DLGAP2: variants seen among roughly 807,000 people sequenced by gnomAD.
DLGAP2 encodes the protein disks large-associated protein 2.
In DLGAP2, 26 loss-of-function variants were observed where a neutral mutation model predicts 100.3. The ratio of observed to expected loss-of-function variants is 0.26; its 90% CI spans 0.19 to 0.36. The LOEUF is 0.36. Ranked by LOEUF, DLGAP2 falls within the 10% of genes least tolerant of loss-of-function variation. The pLI is 1.00. For synonymous variants in DLGAP2, 886 were observed against 630.1 expected (o/e 1.41, Z -6.08); for missense variants, 1,858 against 1,453.2 (o/e 1.28, Z -4.53).
intron 3 of DLGAP2, among the ~76,000 whole-genome samples, chr8:1,378,753 T>G (rs1796024238): frequency 6.6e-6 from 1 of 152,242 alleles, no homozygotes; most frequent in South Asian, 2.1e-4. Context: ...CTAATTTACA[T>G]TCTCACTTTT....
At chr8:1,616,708 C>A (rs1028097056) in intron 6 of DLGAP2, among the ~76,000 whole-genome samples, 1 of 152,184 alleles carries the variant, frequency 6.6e-6, no homozygotes, top group African/African-American at 2.4e-5. Flanking sequence ...CTATTTTTAA[C>A]TTAAATACAT....
intron 2 of DLGAP2, among the ~76,000 whole-genome samples, chr8:1,028,363 G>A (rs1357962391): frequency 1.4e-5 from 2 of 142,848 alleles, no homozygotes; most frequent in Non-Finnish European, 3.0e-5. Flanking sequence ...TATTCTCCAG[G>A]TGGGGTGTCA....
At chr8:1,417,770 G>C (rs1796972022) in intron 3 of DLGAP2, among the ~76,000 whole-genome samples, 1 of 129,404 alleles carries the variant, frequency 7.7e-6, no homozygotes, top group Non-Finnish European at 1.6e-5. Flanking sequence ...AGAGGGTCCT[G>C]GAATGATTTC....
intron 2 of DLGAP2, among the ~76,000 whole-genome samples, chr8:1,206,237 C>T (rs1028241479): frequency 6.6e-6 from 1 of 152,182 alleles, no homozygotes; most frequent in African/African-American, 2.4e-5. Flanking sequence ...GTCTCTTGGC[C>T]ACGCACCACT....
intron 3 of DLGAP2, among the ~76,000 whole-genome samples, chr8:1,293,229 C>T (rs1398877882): frequency 6.6e-6 from 1 of 152,224 alleles, no homozygotes; most frequent in Non-Finnish European, 1.5e-5. Context: ...CACACACACA[C>T]ATGGGCCCAC....
intron 2 of DLGAP2, among the ~76,000 whole-genome samples, chr8:1,228,189 G>C (rs1283073807): frequency 1.3e-5 from 2 of 151,730 alleles, no homozygotes; most frequent in East Asian, 3.9e-4. Context: ...TAACAAACCT[G>C]CACGTTGTGC....
intron 6 of DLGAP2, among the ~76,000 whole-genome samples, chr8:1,574,107 A>G (rs1802866809): frequency 6.6e-6 from 1 of 152,194 alleles, no homozygotes; most frequent in Admixed American, 6.5e-5. Flanking sequence ...TGCACAGAGC[A>G]GGACCAAGTT....
intron 2 of DLGAP2, among the ~76,000 whole-genome samples, chr8:1,117,444 A>C (rs958067971): frequency 5.3e-5 from 8 of 152,224 alleles, no homozygotes; most frequent in African/African-American, 1.9e-4. Context: ...ACAGAGAAGA[A>C]ACAGGCTCAC....
intron 2 of DLGAP2, among the ~76,000 whole-genome samples, chr8:1,217,692 T>A (rs1199636546): frequency 6.6e-6 from 1 of 152,114 alleles, no homozygotes; most frequent in East Asian, 1.9e-4. Flanking sequence ...TTAAATTAGT[T>A]CACAGTGGCT....
intron 2 of DLGAP2, among the ~76,000 whole-genome samples, chr8:922,081 C>T (rs4735959): frequency 6.6e-6 from 1 of 152,190 alleles, no homozygotes; most frequent in Non-Finnish European, 1.5e-5. Context: ...CGCCACTTTC[C>T]TGGGAGAAAC....
chr8:1,550,582 T>C (rs1214468892), intron 5 of DLGAP2, among the ~76,000 whole-genome samples: 1 of 152,078 alleles, frequency 6.6e-6, no homozygotes, highest in Non-Finnish European at 1.5e-5. Context: ...GGCCACAGCC[T>C]CTCTAAGCAC....
chr8:789,714 C>T (rs1326168468), intron 1 of DLGAP2, among the ~76,000 whole-genome samples: 2 of 152,198 alleles, frequency 1.3e-5, no homozygotes, highest in East Asian at 3.9e-4. Context: ...CATTCCAGTC[C>T]TTTGGACGGC....
At chr8:1,378,304 CTGCGCACACCTGACTTCACCTGTCT>C (rs1325888070) in intron 3 of DLGAP2, among the ~76,000 whole-genome samples, 3 of 151,342 alleles carry the variant, frequency 2.0e-5, no homozygotes, top group African/African-American at 7.3e-5. Flanking sequence ...CTCACCTGTC[CTGCGCACACCTGACTTCACCTGTCT>C]GTCCTGCACA....
intron 2 of DLGAP2, among the ~76,000 whole-genome samples, chr8:1,224,075 A>G (rs1340793604): frequency 2.0e-5 from 3 of 152,214 alleles, no homozygotes; most frequent in Non-Finnish European, 4.4e-5. Context: ...AGCGTACGAT[A>G]TGTTTGTGGC....
chr8:1,551,475 T>C (rs1003131448), intron 5 of DLGAP2, among the ~76,000 whole-genome samples: 1 of 152,100 alleles, frequency 6.6e-6, no homozygotes, highest in African/African-American at 2.4e-5. Flanking sequence ...CTGCGCCTTC[T>C]CCACAGGTCC....
At chr8:916,433 A>G (rs1002898960) in intron 2 of DLGAP2, among the ~76,000 whole-genome samples, 2 of 152,208 alleles carry the variant, frequency 1.3e-5, no homozygotes, top group African/African-American at 4.8e-5. Flanking sequence ...AGGACAAAAA[A>G]CCAAACACCA....
chr8:1,095,240 C>T (rs1804328803), intron 2 of DLGAP2, among the ~76,000 whole-genome samples: 3 of 152,158 alleles, frequency 2.0e-5, no homozygotes, highest in Non-Finnish European at 2.9e-5. Context: ...GAATGGAGGC[C>T]CTCATAGTTG....
intron 1 of DLGAP2, among the ~76,000 whole-genome samples, chr8:776,312 CATTA>C (rs1202398540): frequency 6.6e-6 from 1 of 152,026 alleles, no homozygotes; most frequent in Non-Finnish European, 1.5e-5. Flanking sequence ...CTCCTGGATT[CATTA>C]ATTTTTTGAA....
At chr8:1,481,012 A>T (rs2130244630) in intron 3 of DLGAP2, among the ~76,000 whole-genome samples, 1 of 151,742 alleles carries the variant, frequency 6.6e-6, no homozygotes, top group East Asian at 1.9e-4. Context: ...CTCTACTAAA[A>T]ATACAAAAAA....
Sources: allele counts gnomAD v4.1 joint callset (sites outside exome capture counted in the v4.1 genomes callset), GRCh38; gene constraint gnomAD v4.1.1; transcripts MANE v1.5; gene names NCBI Gene and HGNC (gene_info 2026-07-23, HGNC 2026-07-21).